The following PRKG2 variants were observed in gnomAD, a reference collection of about 807,000 sequenced individuals.
PRKG2 encodes cGMP-dependent protein kinase 2.
PRKG2 carries 33 observed loss-of-function variants against 97.2 expected under a neutral mutation model. The observed-to-expected ratio is 0.34, with a 90% CI of 0.26 to 0.45. The LOEUF (loss-of-function observed/expected upper bound fraction) is 0.45, where lower values mean the gene tolerates loss of function less well. Among genes scored for constraint, PRKG2 ranks in the 20% least tolerant of loss-of-function variants. The probability of loss-of-function intolerance (pLI) is 1.00; values close to 1 mark genes in which losing one functional copy is unlikely to be tolerated. For synonymous variants in PRKG2, 330 were observed against 321.8 expected (o/e 1.03, Z -0.27); for missense variants, 638 against 900.0 (o/e 0.71, Z 3.73).
rs570545167 is a variant in PRKG2, at chr4:81,154,249, A to C, written c.913-528T>G. On this transcript the variant is annotated intron_variant, in intron 6 of 18. Coordinates refer to ENST00000264399, the MANE Select transcript of PRKG2 (RefSeq NM_006259.3). ...GGTAAACAAAGCAGCCAGGAAGCTCAAACTGGGTGGAGCCCGCCACAGCTC... is the reference window on the plus strand; with the variant it reads ...GGTAAACAAAGCAGCCAGGAAGCTCCAACTGGGTGGAGCCCGCCACAGCTC... 2.4e-4 allele frequency: 39 copies of C among 159,730 alleles called. No individual in the cohort carries two copies. The South Asian group carries it at 6.7e-3, about 28-fold the overall frequency. The allele number at this position is 159,730 out of a possible 1,614,324, so 9.9% of individuals were successfully genotyped here.
Position 81,097,700 on chromosome 4 carries a change from A to C in PRKG2, c.2127-5248T>G, listed in dbSNP as rs370518188. 1.1e-3 allele frequency among the ~76,000 whole-genome samples: 165 copies of C among 152,308 alleles called. 1 individual carries two copies. The highest frequency in any genetic ancestry group is 7.0e-3 in the South Asian group (34 of 4,830). On this transcript the variant is annotated intron_variant, in intron 17 of 18. Coordinates refer to ENST00000264399, the MANE Select transcript of PRKG2 (RefSeq NM_006259.3). ...TTCTGGATAACTTGCTGGAGCTTCT[A>C]TATCAGCACTTGCTTCTTCACCTTG... is the stretch of plus-strand genomic sequence containing the variant.
intron 14 of PRKG2, among the ~76,000 whole-genome samples, chr4:81,119,082 C>T (rs922312628): frequency 3.9e-5 from 6 of 152,190 alleles, no homozygotes; most frequent in African/African-American, 1.2e-4. Flanking sequence ...CAGATATGTG[C>T]CACTGGGCCC....
intron 11 of PRKG2, among the ~76,000 whole-genome samples, chr4:81,142,418 C>T (rs1434928740): frequency 6.6e-6 from 1 of 152,188 alleles, no homozygotes; most frequent in East Asian, 1.9e-4. Flanking sequence ...TCACTTGACA[C>T]ATTCTTCTTT....
rs139565161 is a variant in PRKG2 at position 81,151,986 on chromosome 4, T to C, written c.1059A>G (p.Glu353=). The change falls in exon 8 of 19, where the codon GAA becomes GAG. Residue 353 remains glutamate (E), a synonymous_variant. Coordinates refer to ENST00000264399, the MANE Select transcript of PRKG2 (RefSeq NM_006259.3). ...PQLIKTLQKG[E]YFGEKALISD... Reference sequence around the variant, plus strand: ...TGATAAGAGCTTTTTCTCCAAAGTATTCTCCTTTCTGCAGTGTTTTTATCA... The same window carrying C: ...TGATAAGAGCTTTTTCTCCAAAGTACTCTCCTTTCTGCAGTGTTTTTATCA... 626 of 1,612,834 alleles carry C rather than the reference T, an allele frequency of 3.9e-4. 3 individuals carry two copies. The African/African-American group carries it at 7.9e-3, about 20-fold the overall frequency.
chr4:81,147,546 T>A (rs980454567), intron 9 of PRKG2, among the ~76,000 whole-genome samples: 5 of 152,128 alleles, frequency 3.3e-5, no homozygotes, highest in Admixed American at 1.3e-4. Flanking sequence ...ATACTTTAAA[T>A]CCCTTTTCCA....
chr4:81,208,085 T>A (rs1316192423), intron 1 of PRKG2, among the ~76,000 whole-genome samples: 1 of 152,186 alleles, frequency 6.6e-6, no homozygotes, highest in African/African-American at 2.4e-5. Context: ...AGATCAGAAT[T>A]TAACATGAGC....
intron 2 of PRKG2, among the ~76,000 whole-genome samples, chr4:81,177,502 G>A (rs1751036508): frequency 1.3e-5 from 2 of 152,070 alleles, no homozygotes; most frequent in East Asian, 1.9e-4. Flanking sequence ...TCAGGAGATC[G>A]AGACCATCCT....
intron 1 of PRKG2, among the ~76,000 whole-genome samples, chr4:81,210,193 G>C (rs986323395): frequency 2.0e-5 from 3 of 150,542 alleles, no homozygotes; most frequent in South Asian, 2.1e-4. Flanking sequence ...TTAGATAAAA[G>C]ACCAAAAAGC....
chr4:81,112,237 C>T (rs1744064615), intron 14 of PRKG2, among the ~76,000 whole-genome samples: 1 of 152,040 alleles, frequency 6.6e-6, no homozygotes, highest in African/African-American at 2.4e-5. Flanking sequence ...TTCATCCACA[C>T]AGAATGACTC....
intron 17 of PRKG2, among the ~76,000 whole-genome samples, chr4:81,104,035 AAAACAAACAAACAAAC>A (rs71664829): frequency 1.3e-5 from 2 of 151,740 alleles, no homozygotes; most frequent in Admixed American, 1.3e-4. Flanking sequence ...TGTCATAAGA[AAAACAAACAAACAAAC>A]AAACAAACAA....
rs766457660 is a variant in PRKG2, at chr4:81,204,707, G to C, written c.341C>G (p.Ser114Cys). 6 of 1,614,064 alleles carry C rather than the reference G, an allele frequency of 3.7e-6. No individual in the cohort carries two copies. The South Asian group carries it at 6.6e-5, about 18-fold the overall frequency. Reference protein sequence around the residue: ...EVHRKTSGLVSLHSRRGAKAG... With the variant: ...EVHRKTSGLVCLHSRRGAKAG... ...CTTTGCTCCCCTCCTGCTATGGAGA[G>C]AGACCAATCCAGAGGTCTTCCGGTG... is the stretch of plus-strand genomic sequence containing the variant. Residue 114 changes from serine (S) to cysteine (C), a missense_variant, in exon 2 of 19, where the codon TCT becomes TGT. Physicochemically the swap from Ser to Cys is moderately radical, Grantham distance 112. Coordinates refer to ENST00000264399, the MANE Select transcript of PRKG2 (RefSeq NM_006259.3).
chr4:81,136,532 A>G (rs1317151657), intron 13 of PRKG2, among the ~76,000 whole-genome samples: 1 of 151,806 alleles, frequency 6.6e-6, no homozygotes, highest in African/African-American at 2.4e-5. Context: ...CTTCTACCCA[A>G]ATTCTTCTGT....
chr4:81,153,856 C>G lies in PRKG2; in HGVS notation c.913-135G>C, dbSNP rs987218671. On this transcript the variant is annotated intron_variant, in intron 6 of 18. Coordinates refer to ENST00000264399, the MANE Select transcript of PRKG2 (RefSeq NM_006259.3). The stretch of plus-strand genomic sequence containing the variant: ...ATTTCTGTATTTCCATCTGAGGTAC[C>G]GGGTTCATCTCACTAGGGAGTGCCA... 1.7e-4 allele frequency: 106 copies of G among 628,402 alleles called. 2 individuals are homozygous for G. Among genetic ancestry groups the G allele is most frequent in the South Asian group, 9.6e-4 (54 of 56,118 alleles). The allele number at this position is 628,402 out of a possible 1,614,324, so 38.9% of individuals were successfully genotyped here. A position where few individuals can be genotyped will look rare whatever the true frequency, so the allele number is the denominator to read the frequency against.
chr4:81,136,910 C>T (rs953048960), intron 13 of PRKG2, among the ~76,000 whole-genome samples: 5 of 152,252 alleles, frequency 3.3e-5, no homozygotes, highest in East Asian at 1.9e-4. Context: ...TGACCCCCAC[C>T]GTGCACTATG....
chr4:81,120,143 T>C (rs1578373005), intron 14 of PRKG2, among the ~76,000 whole-genome samples: 1 of 152,152 alleles, frequency 6.6e-6, no homozygotes, highest in Non-Finnish European at 1.5e-5. Context: ...TCTTAGTCAA[T>C]CCCAGAAGCC....
intron 2 of PRKG2, among the ~76,000 whole-genome samples, chr4:81,195,634 T>C (rs143725974): frequency 1.5e-4 from 23 of 152,322 alleles, no homozygotes; most frequent in Non-Finnish European, 1.8e-4. Flanking sequence ...ATAAATGGAA[T>C]CCTGCATTTG....
At chr4:81,212,872 G>A (rs1560633989) in intron 1 of PRKG2, among the ~76,000 whole-genome samples, 1 of 152,266 alleles carries the variant, frequency 6.6e-6, no homozygotes, top group East Asian at 1.9e-4. Context: ...ATTAATATTA[G>A]AAGAGGGTGA....
chr4:81,184,782 T>C (rs1024034115), intron 2 of PRKG2, among the ~76,000 whole-genome samples: 1 of 152,108 alleles, frequency 6.6e-6, no homozygotes, highest in Non-Finnish European at 1.5e-5. Context: ...ATAACCAGTT[T>C]AGAGAAGAAC....
chr4:81,132,194 T>C (rs1191071114), intron 14 of PRKG2, among the ~76,000 whole-genome samples: 1 of 152,152 alleles, frequency 6.6e-6, no homozygotes, highest in Non-Finnish European at 1.5e-5. Context: ...TTGTTTCACT[T>C]ATAAATTTTT....
Sources: allele counts gnomAD v4.1 joint callset (sites outside exome capture counted in the v4.1 genomes callset), GRCh38; gene constraint gnomAD v4.1.1; transcripts MANE v1.5; gene names NCBI Gene and HGNC (gene_info 2026-07-23, HGNC 2026-07-21).